Variants in NBPF26 observed in about 807,000 individuals in gnomAD.
The protein encoded by NBPF26 is NBPF family member NBPF26.
A neutral mutation model predicts 119.6 loss-of-function variants in NBPF26; 79 were observed. The ratio of observed to expected loss-of-function variants is 0.66; its 90% CI spans 0.55 to 0.80. The LOEUF is 0.80. Among genes scored for constraint, NBPF26 ranks in the 30% least tolerant of loss-of-function variants. The probability of loss-of-function intolerance (pLI) is 0.00; values close to 1 mark genes in which losing one functional copy is unlikely to be tolerated. For missense variants in NBPF26, 800 were observed against 1,198.2 expected (o/e 0.67, Z 4.91); for synonymous variants, 299 against 457.7 (o/e 0.65, Z 4.43).
At chr1:120,806,271 C>G (rs1479356801) in intron 5 of NBPF26, among the ~76,000 whole-genome samples, 1 of 120,938 alleles carries the variant, frequency 8.3e-6, no homozygotes, top group Admixed American at 8.1e-5. Flanking sequence ...CTAATAGAAC[C>G]TGTGCTATCT....
At chr1:120,745,229 A>T (rs1421355280) in intron 1 of NBPF26, among the ~76,000 whole-genome samples, 1 of 110,290 alleles carries the variant, frequency 9.1e-6, no homozygotes, top group Non-Finnish European at 1.7e-5. Context: ...TAAACTGCAG[A>T]TCATGACCAC....
chr1:120,823,950 C>G, intron 17 of NBPF26, 24 bp from the exon 18 acceptor site: 2 of 616,690 alleles, frequency 3.2e-6, no homozygotes, highest in South Asian at 1.6e-5. Context: ...CTGGCTTATT[C>G]TTTACTTTTT....
At chr1:120,790,348 G>C (rs1310305718) in intron 3 of NBPF26, among the ~76,000 whole-genome samples, 2 of 113,246 alleles carry the variant, frequency 1.8e-5, no homozygotes, top group Admixed American at 1.7e-4. Context: ...TGCTATTTTT[G>C]TCTATCACTT....
In NBPF26 at chr1:120,770,016, A is replaced by C. The variant is rs1193116640; in HGVS notation, c.155+6307A>C. Among the ~76,000 whole-genome samples, 3 of 112,940 alleles carry C rather than the reference A, an allele frequency of 2.7e-5. 1 individual carries two copies. The highest frequency in any genetic ancestry group is 5.6e-5 in the Non-Finnish European group (3 of 53,836). The allele number at this position is 112,940 out of a possible 152,430, so 74.1% of individuals were successfully genotyped here. On this transcript the variant is annotated intron_variant, in intron 2 of 29. Transcript: ENST00000620612. ...GTTCAAAAAATCAAAATTAATGCAA[A>C]ATAAGTTGAAAATTATCAAAATTTT...
chr1:120,723,981 G>T lies in NBPF26; in HGVS notation c.-197G>T, dbSNP rs2101330290. The T allele has an allele frequency of 7.7e-6, 9 of 1,174,658 alleles. 1 individual carries two copies. The East Asian group carries it at 2.6e-4, about 33-fold the overall frequency. The allele number at this position is 1,174,658 out of a possible 1,614,324, so 72.8% of individuals were successfully genotyped here. A position where few individuals can be genotyped will look rare whatever the true frequency, so the allele number is the denominator to read the frequency against. On this transcript the variant is annotated 5_prime_UTR_variant, in exon 1 of 30. The change creates a new upstream start codon in the 5' untranslated region. Coordinates refer to ENST00000620612, the Ensembl canonical transcript of NBPF26. ...CGGCGGCGGCTGAGGCGGCGGCCGAGGAGCGGCGGACTCGGGGCGCGGGGA... is the reference window on the plus strand; with the variant it reads ...CGGCGGCGGCTGAGGCGGCGGCCGATGAGCGGCGGACTCGGGGCGCGGGGA...
intron 4 of NBPF26, 183 bp from the exon 5 acceptor site, chr1:120,805,373 C>G (rs1651655577): frequency 9.2e-7 from 1 of 1,091,970 alleles, no homozygotes; most frequent in Non-Finnish European, 1.3e-6. Flanking sequence ...GCTTTCAGCT[C>G]TGAGTTGAGG....
In NBPF26 at chr1:120,793,160, G is replaced by A; in HGVS notation, c.416-1G>A. 1.4e-6 allele frequency: 2 copies of A among 1,396,696 alleles called. 1 individual carries two copies. 86.5% of individuals were successfully genotyped at this position (1,396,696 alleles called of 1,614,324 possible). A position where few individuals can be genotyped will look rare whatever the true frequency, so the allele number is the denominator to read the frequency against. On this transcript the variant is annotated splice_acceptor_variant, in intron 3 of 29. Transcript: ENST00000620612. LOFTEE classifies it high-confidence loss of function. ...ACTGAGTTTTGTTATCCTTCCTTTA[G>A]GTAAGGAGTGCCAATGGACCGATGC... is the stretch of plus-strand genomic sequence containing the variant.
At position 120,724,262 on chromosome 1, in the gene NBPF26, G is replaced by A. The variant is rs1650789078; in HGVS notation, c.73+12G>A. The A allele has an allele frequency of 2.2e-6, 3 of 1,389,538 alleles. No individual in the cohort carries two copies. The highest frequency in any genetic ancestry group is 4.4e-5 in the Admixed American group (2 of 45,510). The allele number at this position is 1,389,538 out of a possible 1,614,324, so 86.1% of individuals were successfully genotyped here. On this transcript the variant is annotated intron_variant, in intron 1 of 29. Coordinates refer to ENST00000620612, the Ensembl canonical transcript of NBPF26. ...GGCCCCCGCGCATGGTGAGTATCGG[G>A]CTGAGGGGCGCTGTCCGCGGCGCCC...
chr1:120,811,935 C>A (rs1553271032), exon 10 of NBPF26: 2 of 1,163,770 alleles, frequency 1.7e-6, no homozygotes, highest in East Asian at 4.7e-5. Flanking sequence ...TGGTATCAGC[C>A]GGCCCTTTGT....
At chr1:120,805,665 C>A in exon 5 of NBPF26, 1 of 1,456,266 alleles carries the variant, frequency 6.9e-7, no homozygotes, top group South Asian at 1.2e-5. Context: ...AGACATTGCG[C>A]CCCCAGCTGC....
Position 120,822,092 on chromosome 1 carries a change from C to G in NBPF26, c.2424-12C>G, listed in dbSNP as rs1237446796. The G allele has an allele frequency of 1.2e-5, 17 of 1,446,692 alleles. 4 individuals are homozygous for G. The highest frequency in any genetic ancestry group is 1.6e-5 in the Non-Finnish European group (17 of 1,081,772). The allele number at this position is 1,446,692 out of a possible 1,614,324, so 89.6% of individuals were successfully genotyped here. ...AAATCTTCTGTCATCCCTGTCCTGC[C>G]TGGCTCATCAGGAATCTGCAGGAGT... On this transcript the variant is annotated splice_polypyrimidine_tract_variant and intron_variant, in intron 15 of 29. Transcript: ENST00000620612.
rs1210054325 is a variant in NBPF26, at chr1:120,802,378, G to A, written c.752-3178G>A. On this transcript the variant is annotated intron_variant, in intron 4 of 29. Coordinates refer to ENST00000620612, the Ensembl canonical transcript of NBPF26. ...ATTCCAAAGCCAAAACACAACAGCA[G>A]GACAAGAAGATTTTCAAGGCAGTCT... Among the ~76,000 whole-genome samples, 12 of 126,274 alleles carry A rather than the reference G, an allele frequency of 9.5e-5. 4 individuals are homozygous for A. Among genetic ancestry groups the A allele is most frequent in the African/African-American group, 4.5e-4 (12 of 26,954 alleles). 82.8% of individuals were successfully genotyped at this position (126,274 alleles called of 152,430 possible). A position where few individuals can be genotyped will look rare whatever the true frequency, so the allele number is the denominator to read the frequency against.
rs1650881794 is a variant in NBPF26, at chr1:120,733,128, TA to T, written c.73+8879del. On this transcript the variant is annotated intron_variant, in intron 1 of 29. Coordinates refer to ENST00000620612, the Ensembl canonical transcript of NBPF26. Reference sequence around the variant, plus strand: ...TGATTTATTTTTATATATATATATATATATGTTTAGTTTATGAACAGATCTA... The same window carrying T: ...TGATTTATTTTTATATATATATATATTATGTTTAGTTTATGAACAGATCTA... Among the ~76,000 whole-genome samples the T allele has an allele frequency of 2.4e-3, 221 of 92,866 alleles. 77 individuals are homozygous for T. The highest frequency in any genetic ancestry group is 0.015 in the African/African-American group (207 of 13,426). The allele number at this position is 92,866 out of a possible 152,430, so 60.9% of individuals were successfully genotyped here.
chr1:120,815,304 A>G lies in NBPF26; in HGVS notation c.2092+261A>G, dbSNP rs1488368261. Among the ~76,000 whole-genome samples, 7 of 116,756 alleles carry G rather than the reference A, an allele frequency of 6.0e-5. 3 individuals are homozygous for G. The highest frequency in any genetic ancestry group is 8.2e-5 in the Non-Finnish European group (5 of 60,984). 76.6% of individuals were successfully genotyped at this position (116,756 alleles called of 152,430 possible). A position where few individuals can be genotyped will look rare whatever the true frequency, so the allele number is the denominator to read the frequency against. ...GGCAGCATCTATCTAGTTTTAAAGG[A>G]CAGGAAGGAGGCTGGGATGGGAGCA... On this transcript the variant is annotated intron_variant, in intron 12 of 29. Transcript: ENST00000620612.
In NBPF26 at chr1:120,785,375, C is replaced by G; in HGVS notation, c.415+142C>G. ...CATTATGATAAGGAACTGGGATGTT[C>G]CAGACAACTATCCCTAACTTCCTTT... On this transcript the variant is annotated intron_variant, in intron 3 of 29. Transcript: ENST00000620612. 3 of 568,722 alleles carry G rather than the reference C, an allele frequency of 5.3e-6. 1 individual carries two copies. The highest frequency in any genetic ancestry group is 5.9e-6 in the Non-Finnish European group (2 of 340,522). 35.2% of individuals were successfully genotyped at this position (568,722 alleles called of 1,614,324 possible).
At chr1:120,750,756 TA>T (rs1651013976) in intron 1 of NBPF26, among the ~76,000 whole-genome samples, 1 of 113,444 alleles carries the variant, frequency 8.8e-6, no homozygotes, top group Non-Finnish European at 1.7e-5. Flanking sequence ...CTCAAATTTA[TA>T]AACTTGTTCT....
chr1:120,818,733 G>C lies in NBPF26; in HGVS notation c.2423+559G>C, dbSNP rs1227027345. 7.4e-5 allele frequency among the ~76,000 whole-genome samples: 9 copies of C among 121,106 alleles called. 3 individuals carry two copies. Among genetic ancestry groups the C allele is most frequent in the Admixed American group, 4.8e-4 (6 of 12,442 alleles). The allele number at this position is 121,106 out of a possible 152,430, so 79.5% of individuals were successfully genotyped here. Reference sequence around the variant, plus strand: ...ACATCTTTATTTCTGCCTTCATTTTGTTATTTTCCCAGTAGTCATTCAGGA... The same window carrying C: ...ACATCTTTATTTCTGCCTTCATTTTCTTATTTTCCCAGTAGTCATTCAGGA... On this transcript the variant is annotated intron_variant, in intron 15 of 29. Transcript: ENST00000620612.
At chr1:120,823,815 C>T (rs1445208872) in intron 17 of NBPF26, among the ~76,000 whole-genome samples, 159 bp from the exon 18 acceptor site, 4,626 of 107,944 alleles carry the variant, frequency 0.043, 1,058 homozygotes, top group African/African-American at 0.18. Flanking sequence ...CTACCTGGCC[C>T]TGTTCTATCC....
chr1:120,824,135 T>C, exon 18 of NBPF26: 1 of 451,450 alleles, frequency 2.2e-6, no homozygotes, highest in Non-Finnish European at 3.7e-6. Context: ...GGCTTGGCTG[T>C]TGACATGGAT....
Sources: allele counts gnomAD v4.1 joint callset (sites outside exome capture counted in the v4.1 genomes callset), GRCh38; gene constraint gnomAD v4.1.1; transcripts MANE v1.5; gene names NCBI Gene and HGNC (gene_info 2026-07-23, HGNC 2026-07-21).